CSMD1: variants seen among roughly 807,000 people sequenced by gnomAD.
CSMD1 encodes CUB and Sushi multiple domains 1, also known as CUB and sushi domain-containing protein 1.
In CSMD1, 213 loss-of-function variants were observed where a neutral mutation model predicts 417.5. The observed-to-expected ratio is 0.51, with a 90% CI of 0.46 to 0.57. The LOEUF is 0.57. CSMD1 is among the 20% of genes least tolerant of loss of function. The probability of loss-of-function intolerance (pLI) is 0.00; values close to 1 mark genes in which losing one functional copy is unlikely to be tolerated. For synonymous variants in CSMD1, 2,862 were observed against 1,736.8 expected (o/e 1.65, Z -16.11); for missense variants, 6,923 against 4,529.7 (o/e 1.53, Z -15.17).
intron 1 of CSMD1, among the ~76,000 whole-genome samples, chr8:4,744,933 T>A (rs1470994186): frequency 6.6e-6 from 1 of 152,186 alleles, no homozygotes; most frequent in Non-Finnish European, 1.5e-5. Context: ...AAATCAACAT[T>A]TTAAAAAATA....
At chr8:3,966,151 G>C (rs1414561990) in intron 5 of CSMD1, among the ~76,000 whole-genome samples, 26 of 152,156 alleles carry the variant, frequency 1.7e-4, no homozygotes, top group Admixed American at 1.7e-3. Flanking sequence ...TAATATCTCA[G>C]TTAATAGGAC....
chr8:3,624,640 C>G (rs913295968), intron 7 of CSMD1, among the ~76,000 whole-genome samples: 2 of 152,090 alleles, frequency 1.3e-5, no homozygotes, highest in African/African-American at 4.8e-5. Context: ...TTATACAAAA[C>G]ATGTTCTCAT....
chr8:3,219,191 T>C (rs544071244), intron 29 of CSMD1, 64 bp downstream of exon 29: 6 of 1,320,078 alleles, frequency 4.5e-6, no homozygotes, highest in Non-Finnish European at 5.3e-6. Flanking sequence ...TACAAAGCAA[T>C]GCCTACAATA....
At chr8:4,409,808 C>T (rs146224669) in intron 3 of CSMD1, among the ~76,000 whole-genome samples, 4 of 151,918 alleles carry the variant, frequency 2.6e-5, no homozygotes, top group Admixed American at 6.6e-5. Flanking sequence ...ATAACAATAC[C>T]GTACTTTTAG....
At chr8:4,164,935 A>G (rs1174345561) in intron 3 of CSMD1, among the ~76,000 whole-genome samples, 2 of 151,922 alleles carry the variant, frequency 1.3e-5, no homozygotes, top group Non-Finnish European at 2.9e-5. Flanking sequence ...GTCCTGAAAA[A>G]GAGACTTCAT....
intron 1 of CSMD1, among the ~76,000 whole-genome samples, chr8:4,844,140 A>AT (rs969741621): frequency 1.1e-4 from 17 of 152,184 alleles, no homozygotes; most frequent in African/African-American, 2.9e-4. Flanking sequence ...TACAAATCAT[A>AT]TTTTTTCAAC....
At chr8:4,177,445 A>C (rs1798117208) in intron 3 of CSMD1, among the ~76,000 whole-genome samples, 2 of 152,268 alleles carry the variant, frequency 1.3e-5, no homozygotes, top group Middle Eastern at 3.4e-3. Context: ...GTAGAGGGAA[A>C]CTTATAGCAC....
intron 1 of CSMD1, among the ~76,000 whole-genome samples, chr8:4,981,845 C>T (rs1045316501): frequency 1.2e-4 from 18 of 152,126 alleles, no homozygotes; most frequent in African/African-American, 4.1e-4. Flanking sequence ...TATGTGATTA[C>T]ATATGGAATT....
chr8:3,921,948 G>A (rs75594436), intron 5 of CSMD1, among the ~76,000 whole-genome samples: 1 of 152,114 alleles, frequency 6.6e-6, no homozygotes, highest in East Asian at 1.9e-4. Context: ...TTGATTTGAT[G>A]TCTGGATGAC....
At chr8:4,055,106 G>C (rs1056223105) in intron 3 of CSMD1, among the ~76,000 whole-genome samples, 9 of 152,218 alleles carry the variant, frequency 5.9e-5, no homozygotes, top group East Asian at 5.8e-4. Context: ...CATTTTCTTT[G>C]AGCTTTGTGT....
chr8:3,723,922 A>G (rs1027449782), intron 6 of CSMD1, among the ~76,000 whole-genome samples: 1 of 152,212 alleles, frequency 6.6e-6, no homozygotes, highest in Non-Finnish European at 1.5e-5. Flanking sequence ...TGCAGATTCC[A>G]TTTTGTAGCT....
intron 50 of CSMD1, among the ~76,000 whole-genome samples, chr8:3,031,195 A>C (rs1394417808): frequency 6.6e-6 from 1 of 151,328 alleles, no homozygotes; most frequent in African/African-American, 2.4e-5. Context: ...GCATATTTCA[A>C]ATAAAATGCA....
chr8:4,866,447 ATTCTC>A (rs1308004665), intron 1 of CSMD1, among the ~76,000 whole-genome samples: 19 of 152,076 alleles, frequency 1.2e-4, no homozygotes, highest in African/African-American at 4.1e-4. Flanking sequence ...AGTTTGTTCT[ATTCTC>A]TTTTGTTTTT....
chr8:4,848,097 G>A (rs930655052), intron 1 of CSMD1, among the ~76,000 whole-genome samples: 1 of 151,992 alleles, frequency 6.6e-6, no homozygotes, highest in African/African-American at 2.4e-5. Context: ...TTGCAACTGT[G>A]TTATTTTTTT....
chr8:3,774,511 T>A (rs1428344954), intron 5 of CSMD1, among the ~76,000 whole-genome samples: 1 of 152,136 alleles, frequency 6.6e-6, no homozygotes, highest in African/African-American at 2.4e-5. Context: ...AATAGAAAGA[T>A]GCTGAATACA....
At chr8:3,923,565 T>G (rs921555187) in intron 5 of CSMD1, among the ~76,000 whole-genome samples, 16 of 152,304 alleles carry the variant, frequency 1.1e-4, no homozygotes, top group African/African-American at 3.8e-4. Flanking sequence ...TGTGAAATAA[T>G]TAAATGAAGC....
intron 23 of CSMD1, among the ~76,000 whole-genome samples, chr8:3,316,041 C>T (rs532471333): frequency 5.9e-5 from 9 of 152,178 alleles, no homozygotes; most frequent in South Asian, 2.1e-4. Flanking sequence ...CCACTATGCA[C>T]GTATGTTCTC....
intron 5 of CSMD1, among the ~76,000 whole-genome samples, chr8:3,957,212 G>C (rs1266866038): frequency 3.3e-5 from 5 of 152,166 alleles, no homozygotes; most frequent in Non-Finnish European, 7.3e-5. Context: ...CTCAAAATGA[G>C]AAGACAGAAA....
chr8:3,952,335 A>T (rs1014906981), intron 5 of CSMD1, among the ~76,000 whole-genome samples: 3 of 152,218 alleles, frequency 2.0e-5, no homozygotes, highest in African/African-American at 7.2e-5. Context: ...AAGCCAATAG[A>T]ATAATTCAAC....
Sources: gnomAD v4.1 joint callset for allele counts (sites outside exome capture counted in the v4.1 genomes callset) on GRCh38, gnomAD v4.1.1 for gene constraint, MANE v1.5 for transcripts, NCBI Gene and HGNC (gene_info 2026-07-23, HGNC 2026-07-21) for gene names.